Variants in ALOX5 observed in about 807,000 individuals in gnomAD.
ALOX5 encodes polyunsaturated fatty acid 5-lipoxygenase.
In ALOX5, 64 loss-of-function variants were observed where a neutral mutation model predicts 87.9. That is an observed-to-expected ratio of 0.73 (90% CI 0.60 to 0.90). ALOX5 has a LOEUF of 0.90. Among genes scored for constraint, ALOX5 ranks in the 40% least tolerant of loss-of-function variants. The pLI is 0.00. For synonymous variants in ALOX5, 388 were observed against 355.1 expected, an observed-to-expected ratio of 1.09 and a Z score of -1.04; for missense variants, 822 against 907.5, an observed-to-expected ratio of 0.91 and a Z score of 1.21.
rs1840078949 is a variant in ALOX5, at chr10:45,388,443, T to G, written c.349+5762T>G. ...AGCCTAACTGGGAGGCACCCTCCAG[T>G]AGGGGCAGACTGACACCCCACATGG... On this transcript the variant is annotated intron_variant, in intron 2 of 13. Coordinates refer to ENST00000374391, the MANE Select transcript of ALOX5 (RefSeq NM_000698.5). 1.3e-5 allele frequency among the ~76,000 whole-genome samples: 2 copies of G among 152,172 alleles called. 1 individual carries two copies. Among genetic ancestry groups the G allele is most frequent in the Admixed American group, 1.3e-4 (2 of 15,282 alleles).
At chr10:45,403,958 A>G (rs765811425) in intron 3 of ALOX5, among the ~76,000 whole-genome samples, 3 of 152,208 alleles carry the variant, frequency 2.0e-5, no homozygotes, top group Non-Finnish European at 4.4e-5. Flanking sequence ...ATCTGGGTTA[A>G]GATAAAATGC....
chr10:45,381,146 G>A lies in ALOX5; in HGVS notation c.151-1337G>A, dbSNP rs556360168. ...CTGGAAGCAGGAGCCTGGCAGGGAGGGGGCCAAGCAGCCTTGTCCCAGAGG... is the reference window on the plus strand; with the variant it reads ...CTGGAAGCAGGAGCCTGGCAGGGAGAGGGCCAAGCAGCCTTGTCCCAGAGG... On this transcript the variant is annotated intron_variant, in intron 1 of 13. Transcript: ENST00000374391. Among the ~76,000 whole-genome samples the A allele has an allele frequency of 7.0e-4, 107 of 152,328 alleles. 1 individual carries two copies. The highest frequency in any genetic ancestry group is 1.2e-3 in the Non-Finnish European group (85 of 68,032).
chr10:45,409,862 A>G (rs1406463243), intron 3 of ALOX5, among the ~76,000 whole-genome samples: 2 of 152,262 alleles, frequency 1.3e-5, no homozygotes, highest in Admixed American at 1.3e-4. Flanking sequence ...GCAGTAGTGA[A>G]CTAGCAAGCA....
chr10:45,408,419 G>T (rs544763156), intron 3 of ALOX5, among the ~76,000 whole-genome samples: 1 of 152,322 alleles, frequency 6.6e-6, no homozygotes, highest in Admixed American at 6.5e-5. Context: ...AAGAGTTTCT[G>T]ATTGGCAACT....
At chr10:45,389,471 C>T (rs1840127155) in intron 2 of ALOX5, among the ~76,000 whole-genome samples, 1 of 152,170 alleles carries the variant, frequency 6.6e-6, no homozygotes, top group South Asian at 2.1e-4. Flanking sequence ...CAAAGGGAAG[C>T]CCATCAGACT....
chr10:45,428,732 C>G lies in ALOX5; in HGVS notation c.949C>G (p.Leu317Val), dbSNP rs761122303. 1 of 1,614,094 alleles carries G rather than the reference C, an allele frequency of 6.2e-7. No homozygotes were observed. The highest frequency in any genetic ancestry group is 1.3e-5 in the African/African-American group (1 of 75,028). Residue 317 changes from leucine (L) to valine (V), a missense_variant, in exon 7 of 14, where the codon CTG (leucine) becomes GTG (valine). Coordinates refer to ENST00000374391, the MANE Select transcript of ALOX5 (RefSeq NM_000698.5). Reference protein sequence around the residue: ...AAPICLLYKNLANKIVPIAIQ... With the variant: ...AAPICLLYKNVANKIVPIAIQ... ...TCCCATCTGCTTGCTGTATAAGAAC[C>G]TGGCCAACAAGATTGTCCCCATTGC...
At chr10:45,386,642 A>G (rs775776483) in intron 2 of ALOX5, among the ~76,000 whole-genome samples, 1 of 151,998 alleles carries the variant, frequency 6.6e-6, no homozygotes, top group African/African-American at 2.4e-5. Context: ...TTTTCTAGTA[A>G]TTAATTTTTA....
At chr10:45,429,136 C>A (rs1841832567) in intron 7 of ALOX5, among the ~76,000 whole-genome samples, 1 of 152,188 alleles carries the variant, frequency 6.6e-6, no homozygotes, top group Non-Finnish European at 1.5e-5. Flanking sequence ...GGTCAGGAAC[C>A]AGGCCAGTCC....
At chr10:45,419,417 T>A (rs1350695657) in intron 4 of ALOX5, among the ~76,000 whole-genome samples, 1 of 149,660 alleles carries the variant, frequency 6.7e-6, no homozygotes, top group Non-Finnish European at 1.5e-5. Context: ...AGCTGACGAG[T>A]GACTCCCGAC....
chr10:45,430,718 A>G (rs1249141812), intron 7 of ALOX5, among the ~76,000 whole-genome samples: 2 of 152,236 alleles, frequency 1.3e-5, no homozygotes, highest in Non-Finnish European at 2.9e-5. Context: ...AGAAATGGAT[A>G]AAAACCTAGG....
chr10:45,443,513 G>C lies in ALOX5; in HGVS notation c.1549G>C (p.Gly517Arg), dbSNP rs1339325014. ...CTTCGTGAACGATGTCTACGTGTACGGCATGCGGGGCCGCAAGTCCTCAGG... is the reference window on the plus strand; with the variant it reads ...CTTCGTGAACGATGTCTACGTGTACCGCATGCGGGGCCGCAAGTCCTCAGG... ...QDFVNDVYVYGMRGRKSSGFP... is the reference protein window; with the variant it reads ...QDFVNDVYVYRMRGRKSSGFP... The change falls in exon 11 of 14, where the codon GGC becomes CGC. Residue 517 changes from glycine to arginine, a missense_variant. Physicochemically the swap from Gly to Arg is moderately radical, Grantham distance 125. Coordinates refer to ENST00000374391, the MANE Select transcript of ALOX5 (RefSeq NM_000698.5). The C allele has an allele frequency of 6.2e-7, 1 of 1,612,496 alleles. No homozygotes were observed. Among genetic ancestry groups the C allele is most frequent in the Non-Finnish European group, 8.5e-7 (1 of 1,179,236 alleles).
intron 2 of ALOX5, among the ~76,000 whole-genome samples, chr10:45,384,002 A>G (rs1485493054): frequency 6.6e-6 from 1 of 152,158 alleles, no homozygotes; most frequent in East Asian, 1.9e-4. Context: ...TCATCTTGGC[A>G]AAAAACAGAT....
At chr10:45,388,878 A>G (rs929248239) in intron 2 of ALOX5, among the ~76,000 whole-genome samples, 1 of 152,262 alleles carries the variant, frequency 6.6e-6, no homozygotes, top group South Asian at 2.1e-4. Context: ...AAGGCTTCAG[A>G]TGATCAAACT....
chr10:45,441,478 C>T (rs1386330818), intron 9 of ALOX5, 48 bp downstream of exon 9: 1 of 1,564,494 alleles, frequency 6.4e-7, no homozygotes, highest in South Asian at 1.1e-5. Flanking sequence ...CCCAGCCTGG[C>T]CGCCTTCACT....
rs558254434 is a variant in ALOX5 at position 45,434,835 on chromosome 10, T to C, written c.982-5595T>C. Among the ~76,000 whole-genome samples the C allele has an allele frequency of 7.0e-4, 107 of 152,326 alleles. 1 individual carries two copies. Among genetic ancestry groups the C allele is most frequent in the Non-Finnish European group, 1.2e-3 (84 of 68,030 alleles). ...AATTGGACAGATAAATGTGCACACA[T>C]GCAAAGACCTATGAAAGGAGGCTCC... On this transcript the variant is annotated intron_variant, in intron 7 of 13. Coordinates refer to ENST00000374391, the MANE Select transcript of ALOX5 (RefSeq NM_000698.5).
chr10:45,425,553 G>A lies in ALOX5; in HGVS notation c.834+421G>A, dbSNP rs1198237308. Among the ~76,000 whole-genome samples the A allele has an allele frequency of 2.6e-5, 4 of 152,174 alleles. No individual in the cohort carries two copies. The highest frequency in any genetic ancestry group is 5.9e-5 in the Non-Finnish European group (4 of 68,020). On this transcript the variant is annotated intron_variant, in intron 6 of 13. Coordinates refer to ENST00000374391, the MANE Select transcript of ALOX5 (RefSeq NM_000698.5). The surrounding 1 kb of genome is among the most constrained non-coding windows in gnomAD (Gnocchi z 4.4). ...GCAGACCTTGTGTGAGAATAAAAAA[G>A]GGGCACGAGGAGAAACCCAACAGAA...
At chr10:45,377,913 A>C (rs1168600687) in intron 1 of ALOX5, among the ~76,000 whole-genome samples, 1 of 152,240 alleles carries the variant, frequency 6.6e-6, no homozygotes, top group African/African-American at 2.4e-5. Context: ...AAAAGTTAAA[A>C]GCAACAAGCA....
chr10:45,422,263 C>T (rs1040697552), intron 4 of ALOX5, among the ~76,000 whole-genome samples: 1 of 152,198 alleles, frequency 6.6e-6, no homozygotes, highest in Non-Finnish European at 1.5e-5. Flanking sequence ...TGTGTCCCAT[C>T]AGCCAGGCTC....
chr10:45,438,602 G>A (rs1842128991), intron 7 of ALOX5, among the ~76,000 whole-genome samples: 1 of 152,184 alleles, frequency 6.6e-6, no homozygotes, highest in Non-Finnish European at 1.5e-5. Flanking sequence ...ATGCCAGGCA[G>A]CCCAGCATTC....
Sources: gnomAD v4.1 joint callset for allele counts (sites outside exome capture counted in the v4.1 genomes callset) on GRCh38, gnomAD v4.1.1 for gene constraint, Gnocchi (gnomAD v3.1) non-coding constraint, MANE v1.5 for transcripts, NCBI Gene and HGNC (gene_info 2026-07-23, HGNC 2026-07-21) for gene names.